Variants in ENKUR observed in about 807,000 individuals in gnomAD.
ENKUR encodes enkurin, TRPC channel interacting protein, also known as enkurin.
In ENKUR, 19 loss-of-function variants were observed where a neutral mutation model predicts 27.6. That is an observed-to-expected ratio of 0.69 (90% CI 0.48 to 1.01). ENKUR has a LOEUF of 1.01. ENKUR is among the 50% of genes least tolerant of loss of function. The pLI, the probability that ENKUR is intolerant of heterozygous loss-of-function variation, is 0.00. For synonymous variants in ENKUR, 117 were observed against 96.9 expected (o/e 1.21, Z -1.22); for missense variants, 312 against 310.5 (o/e 1.00, Z -0.04).
chr10:25,020,625 G>A (rs12246243), upstream of ENKUR, among the ~76,000 whole-genome samples: 9,985 of 151,780 alleles, frequency 0.066, 1,073 homozygotes, highest in African/African-American at 0.23. Context: ...AAATTAGCTG[G>A]GTGTGGTGAT....
intron 3 of ENKUR, among the ~76,000 whole-genome samples, chr10:24,991,654 T>C (rs564327096): frequency 1.3e-5 from 2 of 152,156 alleles, no homozygotes; most frequent in Admixed American, 1.3e-4. Context: ...GGCTCTCCCA[T>C]CTGCTGAAGC....
intron 4 of ENKUR, among the ~76,000 whole-genome samples, chr10:24,988,456 A>C (rs1849840449): frequency 6.9e-6 from 1 of 145,824 alleles, no homozygotes; most frequent in South Asian, 2.1e-4. Flanking sequence ...TACATATGTT[A>C]TATATAATTT....
intron 3 of ENKUR, among the ~76,000 whole-genome samples, chr10:24,994,370 G>T (rs1849995972): frequency 7.4e-6 from 1 of 135,824 alleles, no homozygotes; most frequent in African/African-American, 2.8e-5. Context: ...GTCTCGCTCT[G>T]TCACCCAGGC....
At chr10:25,017,280 G>T (rs1465942703), upstream of ENKUR, among the ~76,000 whole-genome samples, 1 of 152,170 alleles carries the variant, frequency 6.6e-6, no homozygotes, top group African/African-American at 2.4e-5. Context: ...CTGGTCACCC[G>T]TAAATCTATG....
Position 24,984,803 on chromosome 10 carries a change from C to A in ENKUR, c.697G>T (p.Glu233Ter), listed in dbSNP as rs779034110. The change falls in exon 5 of 6, where the codon GAA becomes TAA. Residue 233 changes from glutamate to a stop codon, truncating the protein, a stop_gained. Transcript: ENST00000331161. LOFTEE classifies it high-confidence loss of function. ...KKIRKQRLEEEMKQLEHDIGI... is the reference protein window; with the variant it reads ...KKIRKQRLEE ...ATGTCGTGTTCTAGTTGTTTCATTT[C>A]TTCTTCCAGCCTCTGCTTGCGGATC... 2.5e-6 allele frequency: 4 copies of A among 1,613,570 alleles called. No homozygotes were observed. The highest frequency in any genetic ancestry group is 1.7e-5 in the Admixed American group (1 of 59,918).
upstream of ENKUR, among the ~76,000 whole-genome samples, chr10:25,018,659 G>GTTTTTTTTTTTTTTTTTTTT (rs374289213): frequency 2.1e-5 from 2 of 93,716 alleles, 1 homozygote; most frequent in Non-Finnish European, 4.4e-5. Context: ...AATGAGAGTT[G>GTTTTTTTTTTTTTTTTTTTT]TTTTTTTTTT....
chr10:25,008,774 A>G (rs1850373183), intron 1 of ENKUR, among the ~76,000 whole-genome samples: 2 of 152,086 alleles, frequency 1.3e-5, no homozygotes, highest in South Asian at 4.1e-4. Context: ...CCAAAGGACC[A>G]TAAATCATGC....
chr10:25,017,892 C>T (rs1850639659), upstream of ENKUR, among the ~76,000 whole-genome samples: 2 of 152,168 alleles, frequency 1.3e-5, no homozygotes, highest in Admixed American at 1.3e-4. Context: ...ACCAAGGACT[C>T]ATGGAATGAT....
intron 2 of ENKUR, among the ~76,000 whole-genome samples, chr10:25,036,323 A>G (rs887568346): frequency 1.3e-5 from 2 of 152,190 alleles, no homozygotes; most frequent in African/African-American, 4.8e-5. Flanking sequence ...ATCTGCTGTC[A>G]TGTAAGACAT....
At chr10:24,996,041 T>A (rs1438382247) in intron 2 of ENKUR, among the ~76,000 whole-genome samples, 172 bp from the exon 3 acceptor site, 1 of 152,178 alleles carries the variant, frequency 6.6e-6, no homozygotes, top group Non-Finnish European at 1.5e-5. Context: ...CTTGTAGACA[T>A]TAAATATGCA....
chr10:24,991,893 C>T (rs1441607170), intron 3 of ENKUR, among the ~76,000 whole-genome samples: 3 of 152,198 alleles, frequency 2.0e-5, no homozygotes, highest in South Asian at 2.1e-4. Flanking sequence ...CTGTAAACAT[C>T]GACCCATAGA....
rs150828849 is a variant in ENKUR, at chr10:25,024,688, G to A, written c.38-28819C>T. ...AGTTTATCATGCTTCCGCATATCTTGATCTTGTTAGTCAAGGATTTATTTC... is the reference window on the plus strand; with the variant it reads ...AGTTTATCATGCTTCCGCATATCTTAATCTTGTTAGTCAAGGATTTATTTC... On this transcript the variant is annotated intron_variant, in intron 2 of 5. Transcript: ENST00000615958. 1.3e-4 allele frequency: 202 copies of A among 1,614,198 alleles called. 1 individual carries two copies. The African/African-American group carries it at 2.2e-3, about 18-fold the overall frequency.
chr10:25,033,237 C>G (rs1392169955), intron 2 of ENKUR, among the ~76,000 whole-genome samples: 1 of 151,704 alleles, frequency 6.6e-6, no homozygotes, highest in African/African-American at 2.4e-5. Context: ...GGAGACCTCT[C>G]TACAAAAATT....
At chr10:25,031,665 G>T (rs1201041606) in intron 2 of ENKUR, among the ~76,000 whole-genome samples, 1 of 150,688 alleles carries the variant, frequency 6.6e-6, no homozygotes, top group Non-Finnish European at 1.5e-5. Flanking sequence ...TTTCTGGGAG[G>T]GATTCCACTT....
At chr10:25,012,474 C>G (rs979420651) in intron 1 of ENKUR, among the ~76,000 whole-genome samples, 2 of 152,220 alleles carry the variant, frequency 1.3e-5, no homozygotes, top group African/African-American at 4.8e-5. Flanking sequence ...TGCCAGGTCA[C>G]AGGGACAGAG....
At chr10:25,028,258 C>T (rs1024062975) in intron 2 of ENKUR, among the ~76,000 whole-genome samples, 14 of 152,204 alleles carry the variant, frequency 9.2e-5, no homozygotes, top group Admixed American at 4.6e-4. Flanking sequence ...TCAAAACCAA[C>T]TCTGGCCCTT....
chr10:25,018,927 G>A (rs75765292), upstream of ENKUR, among the ~76,000 whole-genome samples: 5,623 of 152,212 alleles, frequency 0.037, 365 homozygotes, highest in African/African-American at 0.13. Context: ...TGATGAACTT[G>A]CAAAATTGTT....
intron 1 of ENKUR, among the ~76,000 whole-genome samples, chr10:25,011,813 A>C (rs954535173): frequency 2.6e-5 from 4 of 152,216 alleles, no homozygotes; most frequent in African/African-American, 4.8e-5. Flanking sequence ...AAGAAAAACC[A>C]ATTTTCTGAG....
At chr10:25,002,424 T>A (rs1850209836) in intron 1 of ENKUR, among the ~76,000 whole-genome samples, 1 of 152,200 alleles carries the variant, frequency 6.6e-6, no homozygotes, top group Admixed American at 6.5e-5. Context: ...TCAGGGAGAC[T>A]CCTAGGCTTT....
Sources: gnomAD v4.1 joint callset for allele counts (sites outside exome capture counted in the v4.1 genomes callset) on GRCh38, gnomAD v4.1.1 for gene constraint, MANE v1.5 for transcripts, NCBI Gene and HGNC (gene_info 2026-07-23, HGNC 2026-07-21) for gene names.